SGO1: variants seen among roughly 807,000 people sequenced by gnomAD.
SGO1 encodes the protein shugoshin 1.
Under a neutral mutation model 50.5 loss-of-function variants are expected in SGO1, and 39 were observed. That is an observed-to-expected ratio of 0.77 (90% CI 0.60 to 1.01). The LOEUF (loss-of-function observed/expected upper bound fraction) is 1.01, where lower values mean the gene tolerates loss of function less well. Among genes scored for constraint, SGO1 ranks in the 50% least tolerant of loss-of-function variants. The pLI, the probability that SGO1 is intolerant of heterozygous loss-of-function variation, is 0.00. For missense variants in SGO1, 638 were observed against 606.0 expected (o/e 1.05, Z -0.55); for synonymous variants, 191 against 205.1 (o/e 0.93, Z 0.59).
downstream of SGO1, among the ~76,000 whole-genome samples, chr3:20,166,842 CAAAAAAA>C (rs58288144): frequency 7.7e-4 from 33 of 42,754 alleles, no homozygotes; most frequent in Non-Finnish European, 1.2e-3. Context: ...CCATCTCTAC[CAAAAAAA>C]AAAAAAAAAA....
chr3:20,173,276 T>C (rs982820758), intron 6 of SGO1, among the ~76,000 whole-genome samples: 1 of 152,114 alleles, frequency 6.6e-6, no homozygotes, highest in Admixed American at 6.5e-5. Context: ...TAGCTGGGAT[T>C]ACCGGCACAT....
chr3:20,165,174 G>C (rs1700231048), downstream of SGO1, among the ~76,000 whole-genome samples: 1 of 152,214 alleles, frequency 6.6e-6, no homozygotes, highest in Non-Finnish European at 1.5e-5. Flanking sequence ...AAGGGGAGCT[G>C]GCATGTGCAG....
At chr3:20,163,138 A>C (rs1341174831) in intron 8 of SGO1, among the ~76,000 whole-genome samples, 2 of 152,136 alleles carry the variant, frequency 1.3e-5, no homozygotes, top group Non-Finnish European at 2.9e-5. Flanking sequence ...ATAGAGAATG[A>C]ATAAAAAAGA....
rs373493771 is a variant in SGO1, at chr3:20,176,937, C to T, written c.417-278G>A. ...CACATTATATAACTCAATTTAACTA[C>T]GGAAACAGCCCATGAGAATTAATTT... On this transcript the variant is annotated intron_variant, in intron 4 of 7. Transcript: ENST00000412997. Among the ~76,000 whole-genome samples, 39 of 152,232 alleles carry T rather than the reference C, an allele frequency of 2.6e-4. No individual in the cohort carries two copies. The East Asian group carries it at 4.8e-3, about 19-fold the overall frequency.
At position 20,174,575 on chromosome 3, in the gene SGO1, G is replaced by GT. The variant is rs748571368; in HGVS notation, c.955dup (p.Thr319AsnfsTer15). The GT allele has an allele frequency of 1.9e-6, 3 of 1,603,560 alleles. No homozygotes were observed. Among genetic ancestry groups the GT allele is most frequent in the African/African-American group, 1.4e-5 (1 of 74,024 alleles). On this transcript the variant is annotated frameshift_variant, in exon 6 of 8. Coordinates refer to ENST00000412997, the MANE Select transcript of SGO1 (RefSeq NM_001199251.3). LOFTEE classifies it high-confidence loss of function. Reference sequence around the variant, plus strand: ...TTTGTGCATTTTTTTTTGGGGAACAGTTTTTTTATTTTCGCTTTTATTCTC... The same window carrying GT: ...TTTGTGCATTTTTTTTTGGGGAACAGTTTTTTTTATTTTCGCTTTTATTCTC...
intron 3 of SGO1, among the ~76,000 whole-genome samples, chr3:20,179,585 T>C (rs1158792866): frequency 6.6e-6 from 1 of 152,082 alleles, no homozygotes; most frequent in African/African-American, 2.4e-5. Context: ...CCACCACAAC[T>C]GGCTAATTTT....
intron 3 of SGO1, among the ~76,000 whole-genome samples, chr3:20,183,398 A>G (rs1702245930): frequency 6.6e-6 from 1 of 152,218 alleles, no homozygotes; most frequent in African/African-American, 2.4e-5. Context: ...TAAGAATGAA[A>G]CAGGCAGGAA....
chr3:20,182,768 C>T (rs984417039), intron 3 of SGO1, among the ~76,000 whole-genome samples: 1 of 152,110 alleles, frequency 6.6e-6, no homozygotes, highest in African/African-American at 2.4e-5. Context: ...CCTGTAATCC[C>T]AGCACTTTGG....
chr3:20,185,612 G>C (rs1356066432), intron 1 of SGO1, among the ~76,000 whole-genome samples: 1 of 152,206 alleles, frequency 6.6e-6, no homozygotes, highest in Non-Finnish European at 1.5e-5. Flanking sequence ...CCTCTCCAGG[G>C]TAAGTGAGGA....
In SGO1 at chr3:20,174,233, C is replaced by G. The variant is rs774490912; in HGVS notation, c.1282+16G>C. On this transcript the variant is annotated intron_variant, in intron 6 of 7. Transcript: ENST00000412997. The stretch of plus-strand genomic sequence containing the variant: ...CACGAACATTAAAAATACAGGTAAA[C>G]AAGTAGATCACTTACTGGTAGGAGT... 1 of 1,581,854 alleles carries G rather than the reference C, an allele frequency of 6.3e-7. No individual in the cohort carries two copies. The highest frequency in any genetic ancestry group is 1.1e-5 in the South Asian group (1 of 90,146).
In SGO1 at chr3:20,170,266, C is replaced by A; in HGVS notation, c.*438G>T. On this transcript the variant is annotated 3_prime_UTR_variant, in exon 8 of 8. Coordinates refer to ENST00000412997, the MANE Select transcript of SGO1 (RefSeq NM_001199251.3). Reference sequence around the variant, plus strand: ...ATACAAAATTAGCCGGGCGTAGTGGCACATGCCTGTAGTCCCAGCTACTCG... The same window carrying A: ...ATACAAAATTAGCCGGGCGTAGTGGAACATGCCTGTAGTCCCAGCTACTCG... The A allele has an allele frequency of 2.3e-6, 1 of 429,054 alleles. No individual in the cohort carries two copies. Among genetic ancestry groups the A allele is most frequent in the Middle Eastern group, 1.2e-3 (1 of 832 alleles). 26.6% of individuals were successfully genotyped at this position (429,054 alleles called of 1,614,324 possible). A position where few individuals can be genotyped will look rare whatever the true frequency, so the allele number is the denominator to read the frequency against.
downstream of SGO1, among the ~76,000 whole-genome samples, chr3:20,167,337 G>T (rs1700356188): frequency 6.6e-6 from 1 of 152,140 alleles, no homozygotes; most frequent in Admixed American, 6.5e-5. Context: ...AAGGAAGAAG[G>T]TGGTAGACGA....
downstream of SGO1, among the ~76,000 whole-genome samples, chr3:20,167,819 C>T (rs547051737): frequency 6.6e-5 from 10 of 152,252 alleles, no homozygotes; most frequent in African/African-American, 2.4e-4. Flanking sequence ...CAAGCAACTC[C>T]ACTTCTAGGT....
chr3:20,179,018 T>C (rs1369730228), intron 3 of SGO1, among the ~76,000 whole-genome samples: 3 of 152,202 alleles, frequency 2.0e-5, no homozygotes, highest in African/African-American at 7.2e-5. Flanking sequence ...AGATATGATA[T>C]CAGCTAAGAT....
intron 6 of SGO1, among the ~76,000 whole-genome samples, chr3:20,172,501 CAAAAAAA>C (rs60237637): frequency 9.7e-6 from 1 of 102,586 alleles, no homozygotes; most frequent in Admixed American, 1.0e-4. Flanking sequence ...AACTCTGTTT[CAAAAAAA>C]AAAAAAAAAA....
At position 20,174,289 on chromosome 3, in the gene SGO1, T is replaced by C; in HGVS notation, c.1242A>G (p.Glu414=). 1.2e-6 allele frequency: 2 copies of C among 1,614,186 alleles called. No individual in the cohort carries two copies. The highest frequency in any genetic ancestry group is 1.7e-6 in the Non-Finnish European group (2 of 1,180,014). ...TTGGCTTAGAACCCTCCGTCTCTTT[T>C]TCATCTGTGTATTTCAGTGCTCTTT... The part of the protein sequence containing the change: ...LAKRALKYTD[E]KETEGSKPTK... Residue 414 remains glutamate, a synonymous_variant, in exon 6 of 8, where the codon GAA becomes GAG. Transcript: ENST00000412997.
chr3:20,164,805 A>G (rs1416140177), downstream of SGO1, among the ~76,000 whole-genome samples: 1 of 152,182 alleles, frequency 6.6e-6, no homozygotes, highest in African/African-American at 2.4e-5. Flanking sequence ...TACATTTATA[A>G]TAAGTCAAGA....
chr3:20,171,287 T>G (rs1478636039), intron 6 of SGO1, 55 bp from the exon 7 acceptor site: 24 of 1,420,736 alleles, frequency 1.7e-5, no homozygotes, highest in Non-Finnish European at 2.1e-5. Flanking sequence ...ACACAAAAAC[T>G]TAAATTGTAC....
At position 20,170,656 on chromosome 3, in the gene SGO1, C is replaced by G. The variant is rs748447624; in HGVS notation, c.*48G>C. ...TACTCTTACAGATCCTCTCCTGAAG[C>G]AACAGAAAGAGGTGTAGATTGAATT... On this transcript the variant is annotated 3_prime_UTR_variant, in exon 8 of 8. Transcript: ENST00000412997. 1.3e-5 allele frequency: 19 copies of G among 1,501,734 alleles called. No individual in the cohort carries two copies. The highest frequency in any genetic ancestry group is 2.3e-4 in the Middle Eastern group (1 of 4,262). The allele number at this position is 1,501,734 out of a possible 1,614,324, so 93.0% of individuals were successfully genotyped here.
Sources: allele counts gnomAD v4.1 joint callset (sites outside exome capture counted in the v4.1 genomes callset), GRCh38; gene constraint gnomAD v4.1.1; transcripts MANE v1.5; gene names NCBI Gene and HGNC (gene_info 2026-07-23, HGNC 2026-07-21).